The following CACNA1D variants were observed in gnomAD, a reference collection of about 807,000 sequenced individuals.
CACNA1D encodes the protein calcium voltage-gated channel subunit alpha1 D, also known as voltage-dependent L-type calcium channel subunit alpha-1D.
In CACNA1D, 55 loss-of-function variants were observed where a neutral mutation model predicts 257.1. The ratio of observed to expected loss-of-function variants is 0.21; its 90% CI spans 0.17 to 0.27. The LOEUF (loss-of-function observed/expected upper bound fraction) is 0.27. Ranked by LOEUF, CACNA1D falls within the 10% of genes least tolerant of loss-of-function variation. The pLI, the probability that CACNA1D is intolerant of heterozygous loss-of-function variation, is 1.00. For synonymous variants in CACNA1D, 980 were observed against 1,014.9 expected (o/e 0.97, Z 0.65); for missense variants, 1,876 against 2,784.0 (o/e 0.67, Z 7.34).
At position 53,723,132 on chromosome 3, in the gene CACNA1D, A is replaced by T. The variant is rs898409; in HGVS notation, c.1667-302A>T. Among the ~76,000 whole-genome samples the T allele has an allele frequency of 5.6e-3, 848 of 152,170 alleles. 5 individuals carry two copies. Among genetic ancestry groups the T allele is most frequent in the Non-Finnish European group, 8.5e-3 (579 of 68,014 alleles). On this transcript the variant is annotated intron_variant, in intron 12 of 47. Transcript: ENST00000350061. This position sits in a 1 kb window ranked among gnomAD's most constrained non-coding sequence, Gnocchi z 5.6. ...ATCGTAGGCTTTTAGGGCTGGAAGG[A>T]GTCAGAGATTATGTGATGAGCTGCC...
intron 3 of CACNA1D, among the ~76,000 whole-genome samples, chr3:53,630,988 C>T (rs897390990): frequency 1.3e-5 from 2 of 152,230 alleles, no homozygotes; most frequent in Admixed American, 6.5e-5. Flanking sequence ...TGCTAATGAT[C>T]ATCTGAGCCT....
At chr3:53,614,389 A>G (rs1319193411) in intron 3 of CACNA1D, among the ~76,000 whole-genome samples, 3 of 152,218 alleles carry the variant, frequency 2.0e-5, no homozygotes, top group African/African-American at 7.2e-5. Context: ...AAGATGTGGG[A>G]GATATCTCAC....
Position 53,631,024 on chromosome 3 carries a change from G to A in CACNA1D, c.484-19755G>A, listed in dbSNP as rs537723659. On this transcript the variant is annotated intron_variant, in intron 3 of 47. Coordinates refer to ENST00000350061, the MANE Select transcript of CACNA1D (RefSeq NM_001128840.3). ...TCAGCAGGTCATAATCTTTTTGGTG[G>A]TGAGGGGCTTTGCCTTGATGTTGAT... is the stretch of plus-strand genomic sequence containing the variant. Among the ~76,000 whole-genome samples, 5 of 152,310 alleles carry A rather than the reference G, an allele frequency of 3.3e-5. No individual in the cohort carries two copies. The South Asian group carries it at 1.0e-3, about 32-fold the overall frequency.
At position 53,632,406 on chromosome 3, in the gene CACNA1D, G is replaced by A. The variant is rs889108118; in HGVS notation, c.484-18373G>A. Among the ~76,000 whole-genome samples, 6 of 152,338 alleles carry A rather than the reference G, an allele frequency of 3.9e-5. 1 individual carries two copies. The South Asian group carries it at 1.0e-3, about 26-fold the overall frequency. Reference sequence around the variant, plus strand: ...GACTTTGGCACAAGAGAATGGGCTGGTTTGATCTTCTGTCCAGACCCTTAA... The same window carrying A: ...GACTTTGGCACAAGAGAATGGGCTGATTTGATCTTCTGTCCAGACCCTTAA... On this transcript the variant is annotated intron_variant, in intron 3 of 47. Coordinates refer to ENST00000350061, the MANE Select transcript of CACNA1D (RefSeq NM_001128840.3).
intron 3 of CACNA1D, among the ~76,000 whole-genome samples, chr3:53,591,515 A>G (rs1036712774): frequency 6.6e-6 from 1 of 152,130 alleles, no homozygotes; most frequent in Non-Finnish European, 1.5e-5. Flanking sequence ...TGGTGTCCCA[A>G]AGTGCTGGGA....
At chr3:53,679,331 T>C (rs935407924) in intron 8 of CACNA1D, 2 of 141,678 alleles carry the variant, frequency 1.4e-5, no homozygotes, top group Non-Finnish European at 3.0e-5. Context: ...TTCAACACTT[T>C]ACCAGCATCT....
At chr3:53,583,231 AT>A (rs5848995) in intron 3 of CACNA1D, among the ~76,000 whole-genome samples, 191 of 150,676 alleles carry the variant, frequency 1.3e-3, no homozygotes, top group African/African-American at 4.3e-3. Flanking sequence ...AATAGAGTGG[AT>A]TTTTTTTTTA....
At chr3:53,724,954 T>G (rs2094919837) in intron 14 of CACNA1D, among the ~76,000 whole-genome samples, 1 of 151,942 alleles carries the variant, frequency 6.6e-6, no homozygotes, top group Admixed American at 6.6e-5. Flanking sequence ...TTTTGGCTGC[T>G]GATCAGTGAT....
chr3:53,725,624 C>A (rs1310121931), intron 14 of CACNA1D, among the ~76,000 whole-genome samples: 2 of 152,118 alleles, frequency 1.3e-5, no homozygotes, highest in Admixed American at 1.3e-4. Context: ...TTTGGGATGC[C>A]CATCAGTTAG....
intron 3 of CACNA1D, among the ~76,000 whole-genome samples, chr3:53,557,822 T>C (rs1205489805): frequency 6.6e-6 from 1 of 152,224 alleles, no homozygotes; most frequent in Non-Finnish European, 1.5e-5. Flanking sequence ...ATTTCTCAAA[T>C]TTTTGTCGTT....
intron 3 of CACNA1D, among the ~76,000 whole-genome samples, chr3:53,581,674 A>T (rs560714508): frequency 6.6e-6 from 1 of 152,298 alleles, no homozygotes; most frequent in East Asian, 1.9e-4. Flanking sequence ...TTCTCAGCTG[A>T]AGTGCAGGAG....
chr3:53,716,861 T>C (rs2094824421), intron 9 of CACNA1D, among the ~76,000 whole-genome samples: 1 of 152,228 alleles, frequency 6.6e-6, no homozygotes, highest in Non-Finnish European at 1.5e-5. Flanking sequence ...AAGAAACTTC[T>C]CAGACCACTG....
intron 8 of CACNA1D, among the ~76,000 whole-genome samples, chr3:53,685,957 T>C (rs955370797): frequency 1.3e-5 from 2 of 151,996 alleles, no homozygotes; most frequent in Admixed American, 6.6e-5. Context: ...TATAAAGTTA[T>C]TTAGAAAGCG....
chr3:53,555,146 A>T (rs138224325), intron 3 of CACNA1D, among the ~76,000 whole-genome samples: 7 of 152,342 alleles, frequency 4.6e-5, no homozygotes, highest in East Asian at 1.9e-4. Flanking sequence ...GCGTGGTCCC[A>T]TGAGGATGCC....
At chr3:53,782,476 G>A (rs1403333746) in intron 39 of CACNA1D, 1 of 151,980 alleles carries the variant, frequency 6.6e-6, no homozygotes, top group South Asian at 2.1e-4. Flanking sequence ...CGTGACCAGC[G>A]AACTTTTATA....
At chr3:53,769,465 G>GT (rs1486107980) in intron 30 of CACNA1D, among the ~76,000 whole-genome samples, 10 of 152,354 alleles carry the variant, frequency 6.6e-5, no homozygotes, top group African/African-American at 2.4e-4. Flanking sequence ...CTAAGAGGCT[G>GT]TTGTCAGACA....
chr3:53,499,036 G>T (rs1026657405), intron 2 of CACNA1D, among the ~76,000 whole-genome samples: 1 of 152,188 alleles, frequency 6.6e-6, no homozygotes, highest in Non-Finnish European at 1.5e-5. Context: ...CCTCAGACTG[G>T]CTTGACACGA....
In CACNA1D at chr3:53,495,258, C is replaced by G; in HGVS notation, c.67+25C>G. 1 of 1,612,626 alleles carries G rather than the reference C, an allele frequency of 6.2e-7. No individual in the cohort carries two copies. The highest frequency in any genetic ancestry group is 8.5e-7 in the Non-Finnish European group (1 of 1,179,600). ...GGTGAGCAGCCAGAGCCCGGGCACC[C>G]GCTGCCAAATCCGATCCTGTCATGG... On this transcript the variant is annotated intron_variant, in intron 1 of 47. Transcript: ENST00000350061. The surrounding 1 kb of genome is among the most constrained non-coding windows in gnomAD (Gnocchi z 5.1).
chr3:53,763,305 TG>T (rs1453620492), intron 30 of CACNA1D, among the ~76,000 whole-genome samples: 2 of 152,172 alleles, frequency 1.3e-5, no homozygotes, highest in African/African-American at 4.8e-5. Context: ...GTAGTGGCAT[TG>T]TAGATGGAGT....
Sources: gnomAD v4.1 joint callset for allele counts (sites outside exome capture counted in the v4.1 genomes callset) on GRCh38, gnomAD v4.1.1 for gene constraint, Gnocchi (gnomAD v3.1) non-coding constraint, MANE v1.5 for transcripts, NCBI Gene and HGNC (gene_info 2026-07-23, HGNC 2026-07-21) for gene names.